Variants in PRR5 observed in about 807,000 individuals in gnomAD.
The protein encoded by PRR5 is proline-rich protein 5.
In PRR5, 25 loss-of-function variants were observed where a neutral mutation model predicts 30.6. The observed-to-expected ratio is 0.82, with a 90% CI of 0.60 to 1.14. PRR5 has a LOEUF of 1.14. Ranked by LOEUF, PRR5 falls within the 50% of genes most tolerant of loss-of-function variation. The pLI is 0.00. For missense variants in PRR5, 600 were observed against 547.1 expected (o/e 1.10, Z -0.96); for synonymous variants, 286 against 247.1 (o/e 1.16, Z -1.48).
intron 5 of PRR5, 104 bp downstream of exon 5, chr22:44,731,925 G>T: frequency 8.3e-7 from 1 of 1,204,946 alleles, no homozygotes; most frequent in Non-Finnish European, 1.2e-6. Flanking sequence ...ACACACACCT[G>T]CTCTGCTCTG....
At chr22:44,727,651 C>T (rs774397964) in intron 4 of PRR5, among the ~76,000 whole-genome samples, 2 of 152,226 alleles carry the variant, frequency 1.3e-5, no homozygotes, top group Non-Finnish European at 2.9e-5. Flanking sequence ...AACCCATACT[C>T]TTCACTCTGC....
upstream of PRR5, among the ~76,000 whole-genome samples, chr22:44,701,694 C>T (rs1391361652): frequency 2.6e-5 from 4 of 152,310 alleles, no homozygotes; most frequent in South Asian, 8.3e-4. Context: ...AAGTCCCTGT[C>T]CAAGGGGGTC....
intron 1 of PRR5, among the ~76,000 whole-genome samples, chr22:44,695,897 A>G (rs1165482562): frequency 7.0e-6 from 1 of 142,330 alleles, no homozygotes; most frequent in African/African-American, 2.6e-5. Context: ...TTTTAAACAC[A>G]AGTGATTCCA....
chr22:44,735,646 A>G (rs114736021), intron 7 of PRR5, among the ~76,000 whole-genome samples: 8,645 of 152,170 alleles, frequency 0.057, 303 homozygotes, highest in Admixed American at 0.087. Context: ...TTCCTTCAGC[A>G]ATGTCCCTTG....
chr22:44,678,827 C>T (rs1924004457), intron 1 of PRR5, among the ~76,000 whole-genome samples: 1 of 152,182 alleles, frequency 6.6e-6, no homozygotes, highest in Admixed American at 6.5e-5. Context: ...CTGTGTGATT[C>T]ATCTCTGGGT....
upstream of PRR5, among the ~76,000 whole-genome samples, chr22:44,698,253 G>A (rs909064251): frequency 3.3e-5 from 5 of 152,174 alleles, no homozygotes; most frequent in South Asian, 2.1e-4. Context: ...TGATGCCATC[G>A]GGCCTGGCAC....
intron 6 of PRR5, among the ~76,000 whole-genome samples, chr22:44,733,821 T>C (rs534472883): frequency 6.6e-6 from 1 of 152,252 alleles, no homozygotes; most frequent in South Asian, 2.1e-4. Flanking sequence ...TAGGAGCCTG[T>C]ACCAGCCCCG....
At chr22:44,732,884 A>G (rs938477890) in intron 6 of PRR5, among the ~76,000 whole-genome samples, 2 of 144,742 alleles carry the variant, frequency 1.4e-5, no homozygotes, top group African/African-American at 2.7e-5. Context: ...CTGCACACAC[A>G]CACCACACAC....
upstream of PRR5, among the ~76,000 whole-genome samples, chr22:44,675,380 A>G (rs574348349): frequency 6.6e-6 from 1 of 152,170 alleles, no homozygotes; most frequent in African/African-American, 2.4e-5. Context: ...GGCATGAGCC[A>G]CCACGTCTGG....
At chr22:44,679,736 A>T in intron 1 of PRR5, 2 of 1,363,928 alleles carry the variant, frequency 1.5e-6, no homozygotes, top group Non-Finnish European at 2.0e-6. Context: ...TAATAGTAAG[A>T]CTCAGCCTCC....
intron 1 of PRR5, among the ~76,000 whole-genome samples, chr22:44,711,585 A>T (rs2034463261): frequency 6.6e-6 from 1 of 152,090 alleles, no homozygotes; most frequent in Non-Finnish European, 1.5e-5. Flanking sequence ...ATCACTGAGG[A>T]CAGCAGGGCT....
chr22:44,700,726 G>A (rs1418620666), upstream of PRR5, among the ~76,000 whole-genome samples: 2 of 152,158 alleles, frequency 1.3e-5, no homozygotes, highest in African/African-American at 2.4e-5. Context: ...GTTCCATCCC[G>A]CTTTACTGAT....
chr22:44,671,725 A>G (rs139924117), intron 1 of PRR5, among the ~76,000 whole-genome samples: 72 of 152,256 alleles, frequency 4.7e-4, no homozygotes, highest in African/African-American at 1.7e-3. Flanking sequence ...TGGGTTCTGG[A>G]GCCAGCTGCC....
chr22:44,711,295 G>T (rs899889397), intron 1 of PRR5, among the ~76,000 whole-genome samples: 2 of 152,202 alleles, frequency 1.3e-5, no homozygotes, highest in African/African-American at 2.4e-5. Flanking sequence ...CCACACAGCT[G>T]CGAGGGAGGG....
chr22:44,695,092 A>C (rs1925629279), intron 1 of PRR5, among the ~76,000 whole-genome samples: 1 of 152,040 alleles, frequency 6.6e-6, no homozygotes, highest in South Asian at 2.1e-4. Context: ...AATCGCTTGA[A>C]CCCAGGAGGC....
At chr22:44,713,605 A>G (rs1227045629) in intron 1 of PRR5, among the ~76,000 whole-genome samples, 4 of 152,130 alleles carry the variant, frequency 2.6e-5, no homozygotes, top group South Asian at 2.1e-4. Context: ...GCCTCAAGCA[A>G]TCCTCCTGCC....
At chr22:44,675,507 A>C, upstream of PRR5, among the ~76,000 whole-genome samples, 1 of 152,088 alleles carries the variant, frequency 6.6e-6, no homozygotes, top group Non-Finnish European at 1.5e-5. Context: ...TATCTGTCCC[A>C]TGGCTGTTCT....
chr22:44,736,483 G>A (rs1226821599), intron 7 of PRR5, among the ~76,000 whole-genome samples: 1 of 152,222 alleles, frequency 6.6e-6, no homozygotes, highest in African/African-American at 2.4e-5. Flanking sequence ...ACGGGGGTGA[G>A]GTAACTTACC....
chr22:44,714,413 C>A (rs1251583188), intron 1 of PRR5, among the ~76,000 whole-genome samples, 178 bp from the exon 2 acceptor site: 1 of 152,178 alleles, frequency 6.6e-6, no homozygotes, highest in Non-Finnish European at 1.5e-5. Context: ...ACAGGCTGGG[C>A]TCCAGCAGGG....
Sources: allele counts gnomAD v4.1 joint callset (sites outside exome capture counted in the v4.1 genomes callset), GRCh38; gene constraint gnomAD v4.1.1; transcripts MANE v1.5; gene names NCBI Gene and HGNC (gene_info 2026-07-23, HGNC 2026-07-21).